The following DGKB variants were observed in gnomAD, a reference collection of about 807,000 sequenced individuals.
The protein encoded by DGKB is 90 kDa diacylglycerol kinase.
DGKB carries 67 observed loss-of-function variants against 114.3 expected under a neutral mutation model. The observed-to-expected ratio is 0.59, with a 90% CI of 0.48 to 0.72. The LOEUF (loss-of-function observed/expected upper bound fraction) is 0.72, where lower values mean the gene tolerates loss of function less well. Ranked by LOEUF, DGKB falls within the 30% of genes least tolerant of loss-of-function variation. The pLI, the probability that DGKB is intolerant of heterozygous loss-of-function variation, is 0.00. For synonymous variants in DGKB, 398 were observed against 323.1 expected (o/e 1.23, Z -2.49); for missense variants, 907 against 975.2 (o/e 0.93, Z 0.93).
At chr7:14,383,704 G>T (rs1298231069) in intron 21 of DGKB, among the ~76,000 whole-genome samples, 4 of 152,158 alleles carry the variant, frequency 2.6e-5, no homozygotes, top group Non-Finnish European at 5.9e-5. Flanking sequence ...TTAAGCATTT[G>T]TCCTGAAGGT....
intron 21 of DGKB, among the ~76,000 whole-genome samples, chr7:14,433,164 C>T (rs1245238225): frequency 6.6e-6 from 1 of 152,126 alleles, no homozygotes; most frequent in Non-Finnish European, 1.5e-5. Context: ...GACTGGCTAG[C>T]AGGAAGATAA....
intron 8 of DGKB, among the ~76,000 whole-genome samples, chr7:14,697,779 A>AGC: frequency 6.7e-6 from 1 of 148,580 alleles, no homozygotes; most frequent in African/African-American, 2.5e-5. Context: ...AAACAAAGAG[A>AGC]AAGAAAGAAA....
intron 20 of DGKB, among the ~76,000 whole-genome samples, chr7:14,496,532 GAAT>G (rs148339545): frequency 0.081 from 12,277 of 151,648 alleles, 887 homozygotes; most frequent in East Asian, 0.43. Context: ...GTCATTTTCA[GAAT>G]ATTTATTGAG....
intron 23 of DGKB, among the ~76,000 whole-genome samples, chr7:14,304,022 A>G (rs1454543847): frequency 6.8e-6 from 1 of 147,228 alleles, no homozygotes; most frequent in East Asian, 2.0e-4. Context: ...CCTGTCTGCT[A>G]TTATACACCA....
intron 23 of DGKB, among the ~76,000 whole-genome samples, chr7:14,212,354 A>G (rs79227791): frequency 0.089 from 1,910 of 21,516 alleles, 92 homozygotes; most frequent in Non-Finnish European, 0.12. Context: ...ATTTACTCTC[A>G]TGTTTTGTGA....
At chr7:14,912,114 T>A (rs1181733812) in intron 1 of DGKB, among the ~76,000 whole-genome samples, 1 of 152,178 alleles carries the variant, frequency 6.6e-6, no homozygotes, top group Non-Finnish European at 1.5e-5. Flanking sequence ...GGCAACTTTG[T>A]TTCCAAGGCC....
chr7:14,172,664 T>C (rs959365667), intron 25 of DGKB, among the ~76,000 whole-genome samples: 1 of 151,978 alleles, frequency 6.6e-6, no homozygotes, highest in African/African-American at 2.4e-5. Flanking sequence ...GGGAGGCAAA[T>C]GATGAGTCCA....
intron 21 of DGKB, among the ~76,000 whole-genome samples, chr7:14,390,718 C>G (rs2128706276): frequency 6.6e-6 from 1 of 152,162 alleles, no homozygotes; most frequent in African/African-American, 2.4e-5. Context: ...CCAGGTGTCT[C>G]TTATTAAGTC....
At chr7:14,564,754 C>CT (rs1015778884) in intron 20 of DGKB, among the ~76,000 whole-genome samples, 41 of 151,350 alleles carry the variant, frequency 2.7e-4, no homozygotes, top group Middle Eastern at 3.4e-3. Flanking sequence ...TTTTCTTAAT[C>CT]TTTTTTTTTC....
chr7:14,840,812 T>G (rs914593280), intron 2 of DGKB, among the ~76,000 whole-genome samples: 6 of 151,700 alleles, frequency 4.0e-5, no homozygotes, highest in African/African-American at 1.5e-4. Context: ...CAGCATTGCT[T>G]TTTTCTCCTC....
intron 23 of DGKB, among the ~76,000 whole-genome samples, chr7:14,300,789 T>C (rs1341164525): frequency 6.6e-6 from 1 of 152,118 alleles, no homozygotes; most frequent in African/African-American, 2.4e-5. Flanking sequence ...CATTTCCTGG[T>C]TTTGAATAGT....
At chr7:14,403,816 G>A (rs1463537728) in intron 21 of DGKB, among the ~76,000 whole-genome samples, 1 of 151,840 alleles carries the variant, frequency 6.6e-6, no homozygotes, top group Non-Finnish European at 1.5e-5. Flanking sequence ...CATGAGTCAT[G>A]GAATCTGGCT....
In DGKB at chr7:14,581,030, A is replaced by G. The variant is rs535252002; in HGVS notation, c.1520-79T>C. The G allele has an allele frequency of 4.6e-5, 43 of 940,490 alleles. No homozygotes were observed. The Admixed American group carries it at 9.1e-4, about 20-fold the overall frequency. The allele number at this position is 940,490 out of a possible 1,614,324, so 58.3% of individuals were successfully genotyped here. On this transcript the variant is annotated intron_variant, in intron 18 of 25. Coordinates refer to ENST00000402815, the MANE Select transcript of DGKB (RefSeq NM_001350709.2). ...ACGGAAATAAAAAGATAGCCTGATG[A>G]CATTAAATGAAGGAATTCCAATAGG... is the stretch of plus-strand genomic sequence containing the variant.
At chr7:14,621,216 G>T in intron 15 of DGKB, 162 bp downstream of exon 15, 1 of 549,286 alleles carries the variant, frequency 1.8e-6, no homozygotes, top group Non-Finnish European at 3.2e-6. Flanking sequence ...TCAATCAACC[G>T]TAAGACTGAC....
chr7:14,936,737 C>T (rs542107275), intron 1 of DGKB, among the ~76,000 whole-genome samples: 1 of 152,258 alleles, frequency 6.6e-6, no homozygotes, highest in East Asian at 1.9e-4. Flanking sequence ...TGATTACTCT[C>T]CCATTCCCAT....
At chr7:14,884,077 G>A (rs1302549630) in intron 1 of DGKB, among the ~76,000 whole-genome samples, 1 of 151,956 alleles carries the variant, frequency 6.6e-6, no homozygotes, top group Non-Finnish European at 1.5e-5. Context: ...TACAGTACCA[G>A]GTAGAAAATA....
In DGKB at chr7:14,583,268, A is replaced by G. The variant is rs192621757; in HGVS notation, c.1434-131T>C. On this transcript the variant is annotated intron_variant, in intron 17 of 25. Coordinates refer to ENST00000402815, the MANE Select transcript of DGKB (RefSeq NM_001350709.2). The stretch of plus-strand genomic sequence containing the variant: ...AAAAACTGTAAAATATCTCAGTGAT[A>G]ACTTACATATCCTTTAATCCTATTT... 1.6e-3 allele frequency: 892 copies of G among 545,640 alleles called. 3 individuals carry two copies. The highest frequency in any genetic ancestry group is 3.2e-3 in the Middle Eastern group (11 of 3,398). The allele number at this position is 545,640 out of a possible 1,614,324, so 33.8% of individuals were successfully genotyped here.
At chr7:14,640,668 G>A (rs1038969922) in intron 13 of DGKB, among the ~76,000 whole-genome samples, 9 of 152,134 alleles carry the variant, frequency 5.9e-5, no homozygotes, top group African/African-American at 2.2e-4. Flanking sequence ...AGAGATCATG[G>A]TAGTATTTAC....
At chr7:14,229,096 C>T (rs1176373587) in intron 23 of DGKB, among the ~76,000 whole-genome samples, 1 of 151,740 alleles carries the variant, frequency 6.6e-6, no homozygotes, top group Admixed American at 6.6e-5. Context: ...TTTGCATTAG[C>T]CCAAATTAAT....
Sources: gnomAD v4.1 joint callset for allele counts (sites outside exome capture counted in the v4.1 genomes callset) on GRCh38, gnomAD v4.1.1 for gene constraint, MANE v1.5 for transcripts, NCBI Gene and HGNC (gene_info 2026-07-23, HGNC 2026-07-21) for gene names.